Variants in SNX22 observed in about 807,000 individuals in gnomAD.
The protein encoded by SNX22 is sorting nexin-22.
SNX22 carries 23 observed loss-of-function variants against 24.7 expected under a neutral mutation model. The ratio of observed to expected loss-of-function variants is 0.93; its 90% CI spans 0.67 to 1.32. The LOEUF is 1.32. SNX22 is among the 40% of genes most tolerant of loss of function. The probability of loss-of-function intolerance (pLI) is 0.00; values close to 1 mark genes in which losing one functional copy is unlikely to be tolerated. For synonymous variants in SNX22, 99 were observed against 104.0 expected (o/e 0.95, Z 0.29); for missense variants, 261 against 249.9 (o/e 1.04, Z -0.30).
Position 64,154,600 on chromosome 15 carries a change from C to T in SNX22, c.*92C>T, listed in dbSNP as rs984806456. On this transcript the variant is annotated 3_prime_UTR_variant, in exon 7 of 7. Transcript: ENST00000325881. The stretch of plus-strand genomic sequence containing the variant: ...AGGCTGGGTCCTCCTTTGGCCTGGA[C>T]CCAGGACTTAATTACCCAGTGCCCA... The T allele has an allele frequency of 5.5e-5, 83 of 1,507,222 alleles. No homozygotes were observed. Among genetic ancestry groups the T allele is most frequent in the Non-Finnish European group, 6.5e-5 (73 of 1,114,572 alleles). 93.4% of individuals were successfully genotyped at this position (1,507,222 alleles called of 1,614,324 possible). A position where few individuals can be genotyped will look rare whatever the true frequency, so the allele number is the denominator to read the frequency against.
Position 64,156,828 on chromosome 15 carries a change from T to C in SNX22, c.*2320T>C. 6.2e-7 allele frequency: 1 copy of C among 1,614,200 alleles called. No individual in the cohort carries two copies. Among genetic ancestry groups the C allele is most frequent in the African/African-American group, 1.3e-5 (1 of 75,054 alleles). On this transcript the variant is annotated 3_prime_UTR_variant, in exon 7 of 7. Coordinates refer to ENST00000325881, the MANE Select transcript of SNX22 (RefSeq NM_024798.3). This position sits in a 1 kb window ranked among gnomAD's most constrained non-coding sequence, Gnocchi z 6.4. ...GGAGCCGTTGGTGTCTTTGCCTGCGTTGGCCATGCTCACCCAGCCAGGCCC... is the reference window on the plus strand; with the variant it reads ...GGAGCCGTTGGTGTCTTTGCCTGCGCTGGCCATGCTCACCCAGCCAGGCCC...
Position 64,156,631 on chromosome 15 carries a change from G to A in SNX22, c.*2123G>A. The A allele has an allele frequency of 6.7e-7, 1 of 1,491,008 alleles. No individual in the cohort carries two copies. Among genetic ancestry groups the A allele is most frequent in the Non-Finnish European group, 9.4e-7 (1 of 1,068,588 alleles). The allele number at this position is 1,491,008 out of a possible 1,614,324, so 92.4% of individuals were successfully genotyped here. A position where few individuals can be genotyped will look rare whatever the true frequency, so the allele number is the denominator to read the frequency against. ...TGCATCTGTGGGTTGGGTCCTTTTG[G>A]GAAAGGGATGGACACATGGAGCTCC... On this transcript the variant is annotated 3_prime_UTR_variant, in exon 7 of 7. Transcript: ENST00000325881. This position sits in a 1 kb window ranked among gnomAD's most constrained non-coding sequence, Gnocchi z 6.4.
In SNX22 at chr15:64,154,446, A is replaced by C; in HGVS notation, c.520A>C (p.Ser174Arg). ...CCAGGGCCTCTACAGCTTCAGCATC[A>C]GCCCAGATAAAGCCCAGCCAAAGGC... ...VLQGLYSFSI[S>R]PDKAQPKAAC... The change falls in exon 7 of 7, where the codon AGC becomes CGC. Residue 174 changes from serine (S) to arginine (R), a missense_variant. Ser to Arg is a moderately radical substitution (Grantham distance 110). Transcript: ENST00000325881. The C allele has an allele frequency of 6.2e-7, 1 of 1,614,142 alleles. No individual in the cohort carries two copies. Among genetic ancestry groups the C allele is most frequent in the Non-Finnish European group, 8.5e-7 (1 of 1,180,030 alleles).
In SNX22 at chr15:64,155,301, TGTG is replaced by T. The variant is rs1339369108; in HGVS notation, c.*797_*799del. Reference sequence around the variant, plus strand: ...TCTCTTGAAGCCAGGAGGCGGAAGTTGTGGTGAGCCGAGATCGCGCCACTGCAC... The same window carrying T: ...TCTCTTGAAGCCAGGAGGCGGAAGTTGTGAGCCGAGATCGCGCCACTGCAC... On this transcript the variant is annotated 3_prime_UTR_variant, in exon 7 of 7. Coordinates refer to ENST00000325881, the MANE Select transcript of SNX22 (RefSeq NM_024798.3). The T allele has an allele frequency of 6.6e-6, 1 of 151,596 alleles. No individual in the cohort carries two copies. Among genetic ancestry groups the T allele is most frequent in the African/African-American group, 2.4e-5 (1 of 41,134 alleles). 9.4% of individuals were successfully genotyped at this position (151,596 alleles called of 1,614,324 possible).
Position 64,155,916 on chromosome 15 carries a change from G to C in SNX22, c.*1408G>C, listed in dbSNP as rs1309296082. 2 of 1,544,166 alleles carry C rather than the reference G, an allele frequency of 1.3e-6. No individual in the cohort carries two copies. The highest frequency in any genetic ancestry group is 1.4e-5 in the African/African-American group (1 of 73,464). ...TGGGCCTGTGGAATGTGAGGGGAGT[G>C]GGTCCGCTCCACCAGATGCCAGCAC... On this transcript the variant is annotated 3_prime_UTR_variant, in exon 7 of 7. Coordinates refer to ENST00000325881, the MANE Select transcript of SNX22 (RefSeq NM_024798.3).
In SNX22 at chr15:64,155,928, C is replaced by T; in HGVS notation, c.*1420C>T. The T allele has an allele frequency of 1.3e-6, 2 of 1,594,430 alleles. No homozygotes were observed. Among genetic ancestry groups the T allele is most frequent in the Middle Eastern group, 3.6e-4 (2 of 5,496 alleles). ...ATGTGAGGGGAGTGGGTCCGCTCCA[C>T]CAGATGCCAGCACCGGGGCCAGTGC... is the stretch of plus-strand genomic sequence containing the variant. On this transcript the variant is annotated 3_prime_UTR_variant, in exon 7 of 7. Coordinates refer to ENST00000325881, the MANE Select transcript of SNX22 (RefSeq NM_024798.3).
At position 64,155,983 on chromosome 15, in the gene SNX22, C is replaced by T. The variant is rs2081526877; in HGVS notation, c.*1475C>T. 1.9e-6 allele frequency: 3 copies of T among 1,613,734 alleles called. No individual in the cohort carries two copies. In the Admixed American group the frequency reaches 5.0e-5, roughly 27 times the overall value. On this transcript the variant is annotated 3_prime_UTR_variant, in exon 7 of 7. Coordinates refer to ENST00000325881, the MANE Select transcript of SNX22 (RefSeq NM_024798.3). Reference sequence around the variant, plus strand: ...CAGAGCCCTGTGGCGGACTACAGGGCCTGCACAGACGGTCACTCAAAGAAA... The same window carrying T: ...CAGAGCCCTGTGGCGGACTACAGGGTCTGCACAGACGGTCACTCAAAGAAA...
At position 64,155,102 on chromosome 15, in the gene SNX22, T is replaced by C. The variant is rs2140178991; in HGVS notation, c.*594T>C. On this transcript the variant is annotated 3_prime_UTR_variant, in exon 7 of 7. Transcript: ENST00000325881. ...CCTCAGCCTCTCGAGTAGCTGGGAT[T>C]ACAGGCATCCGCCACCATGCCCGGC... The C allele has an allele frequency of 2.0e-5, 3 of 151,022 alleles. No individual in the cohort carries two copies. In the Middle Eastern group the frequency reaches 0.01, roughly 514 times the overall value. 9.4% of individuals were successfully genotyped at this position (151,022 alleles called of 1,614,324 possible).
chr15:64,156,928 C>T lies in SNX22; in HGVS notation c.*2420C>T, dbSNP rs1053236908. The T allele has an allele frequency of 6.2e-7, 1 of 1,613,636 alleles. No individual in the cohort carries two copies. The highest frequency in any genetic ancestry group is 8.5e-7 in the Non-Finnish European group (1 of 1,179,716). On this transcript the variant is annotated 3_prime_UTR_variant, in exon 7 of 7. Transcript: ENST00000325881. This position sits in a 1 kb window ranked among gnomAD's most constrained non-coding sequence, Gnocchi z 6.4. ...CTCTTTCCTGGGAAAAAAGACAGAG[C>T]AGGTCAGGGGCGCTGGATTGCGCCA...
chr15:64,151,757 A>C lies in SNX22; in HGVS notation c.-19A>C, dbSNP rs1406256944. 2.0e-6 allele frequency: 3 copies of C among 1,520,588 alleles called. No homozygotes were observed. Among genetic ancestry groups the C allele is most frequent in the Non-Finnish European group, 2.6e-6 (3 of 1,135,642 alleles). 94.2% of individuals were successfully genotyped at this position (1,520,588 alleles called of 1,614,324 possible). Reference sequence around the variant, plus strand: ...GGGCTCCGAGCCGAGCGCGCGGAGCAGCTGGGGCCGGGGCGCGGATGCTGG... The same window carrying C: ...GGGCTCCGAGCCGAGCGCGCGGAGCCGCTGGGGCCGGGGCGCGGATGCTGG... On this transcript the variant is annotated 5_prime_UTR_variant, in exon 1 of 7. Transcript: ENST00000325881.
Position 64,152,233 on chromosome 15 carries a change from G to T in SNX22, c.76-10G>T. Reference sequence around the variant, plus strand: ...TCACGCGCAGACCCGCTGCCCGCCCGCGCCGCCAGGTGTTCCGAGTGGAGG... The same window carrying T: ...TCACGCGCAGACCCGCTGCCCGCCCTCGCCGCCAGGTGTTCCGAGTGGAGG... On this transcript the variant is annotated splice_polypyrimidine_tract_variant and intron_variant, in intron 1 of 6. Transcript: ENST00000325881. 1 of 1,394,032 alleles carries T rather than the reference G, an allele frequency of 7.2e-7. No homozygotes were observed. The highest frequency in any genetic ancestry group is 9.2e-7 in the Non-Finnish European group (1 of 1,084,776). The allele number at this position is 1,394,032 out of a possible 1,614,324, so 86.4% of individuals were successfully genotyped here.
chr15:64,156,590 G>T lies in SNX22; in HGVS notation c.*2082G>T. 2 of 1,085,256 alleles carry T rather than the reference G, an allele frequency of 1.8e-6. No individual in the cohort carries two copies. Among genetic ancestry groups the T allele is most frequent in the Non-Finnish European group, 1.4e-6 (1 of 701,950 alleles). 67.2% of individuals were successfully genotyped at this position (1,085,256 alleles called of 1,614,324 possible). ...GCATGGAGGTACAGGGTTTATTCTG[G>T]ACAGGAGCACTGGGCTGCATCTGTG... On this transcript the variant is annotated 3_prime_UTR_variant, in exon 7 of 7. Coordinates refer to ENST00000325881, the MANE Select transcript of SNX22 (RefSeq NM_024798.3). The surrounding 1 kb of genome is among the most constrained non-coding windows in gnomAD (Gnocchi z 6.4).
intron 6 of SNX22, 163 bp downstream of exon 6, chr15:64,154,165 A>C (rs2081509295): frequency 6.3e-7 from 1 of 1,578,328 alleles, no homozygotes; most frequent in Non-Finnish European, 8.6e-7. Flanking sequence ...CAAGGAAAAC[A>C]AGTTTGGCTT....
rs1766951040 is a variant in SNX22 at position 64,153,669 on chromosome 15, T to C, written c.377T>C (p.Leu126Pro). Residue 126 changes from leucine (L) to proline (P), a missense_variant, in exon 5 of 7, where the codon CTG becomes CCG. Coordinates refer to ENST00000325881, the MANE Select transcript of SNX22 (RefSeq NM_024798.3). The part of the protein sequence containing the change: ...ASNWGTLREF[L>P]PGDSSSQQHQ... ...CTCTTCAGCACCCTGAGGGAGTTCC[T>C]GCCTGGCGACAGCAGGCAAGTCAAA... 8.1e-6 allele frequency: 13 copies of C among 1,614,090 alleles called. No individual in the cohort carries two copies. The highest frequency in any genetic ancestry group is 1.1e-5 in the Non-Finnish European group (13 of 1,179,998).
Position 64,151,826 on chromosome 15 carries a change from G to A in SNX22, c.51G>A (p.Arg17=). Residue 17 remains arginine, a synonymous_variant, in exon 1 of 7, where the codon AGG becomes AGA. Transcript: ENST00000325881. ...TGGGGCCCGAGGCCGAGGGGCCCAG[G>A]CAGAGCCCGGAGAAAAGCCACATGG... The part of the protein sequence containing the change: ...PSVGPEAEGP[R]QSPEKSHMVF... The A allele has an allele frequency of 6.5e-7, 1 of 1,538,368 alleles. No homozygotes were observed. Among genetic ancestry groups the A allele is most frequent in the Non-Finnish European group, 8.7e-7 (1 of 1,144,326 alleles).
At position 64,156,991 on chromosome 15, in the gene SNX22, T is replaced by A; in HGVS notation, c.*2483T>A. 2 of 1,412,386 alleles carry A rather than the reference T, an allele frequency of 1.4e-6. No individual in the cohort carries two copies. The highest frequency in any genetic ancestry group is 2.0e-6 in the Non-Finnish European group (2 of 1,014,260). 87.5% of individuals were successfully genotyped at this position (1,412,386 alleles called of 1,614,324 possible). A position where few individuals can be genotyped will look rare whatever the true frequency, so the allele number is the denominator to read the frequency against. On this transcript the variant is annotated 3_prime_UTR_variant, in exon 7 of 7. Transcript: ENST00000325881. This position sits in a 1 kb window ranked among gnomAD's most constrained non-coding sequence, Gnocchi z 6.4. ...ATTCGGGGCCAGGACTGAGGGGGCT[T>A]AACCTGTCCTCTGTGCCAGGCTAGG...
Position 64,155,617 on chromosome 15 carries a change from G to A in SNX22, c.*1109G>A. ...GGTGGTGGCAAGGGGAGCAAATGTG[G>A]AGGCCCAGTAGCTGGCAAAGTTTAG... On this transcript the variant is annotated 3_prime_UTR_variant, in exon 7 of 7. Coordinates refer to ENST00000325881, the MANE Select transcript of SNX22 (RefSeq NM_024798.3). 7.8e-6 allele frequency: 2 copies of A among 258,020 alleles called. No individual in the cohort carries two copies. The highest frequency in any genetic ancestry group is 1.5e-5 in the Non-Finnish European group (2 of 131,318). 16.0% of individuals were successfully genotyped at this position (258,020 alleles called of 1,614,324 possible). A position where few individuals can be genotyped will look rare whatever the true frequency, so the allele number is the denominator to read the frequency against.
chr15:64,155,558 A>G lies in SNX22; in HGVS notation c.*1050A>G, dbSNP rs1339450732. Reference sequence around the variant, plus strand: ...AATCAATTTAGAGGTAGGCTATGAAAAAGTACAGATACATCCCTTAACATA... The same window carrying G: ...AATCAATTTAGAGGTAGGCTATGAAGAAGTACAGATACATCCCTTAACATA... On this transcript the variant is annotated 3_prime_UTR_variant, in exon 7 of 7. Coordinates refer to ENST00000325881, the MANE Select transcript of SNX22 (RefSeq NM_024798.3). 1 of 169,030 alleles carries G rather than the reference A, an allele frequency of 5.9e-6. No homozygotes were observed. The highest frequency in any genetic ancestry group is 2.4e-5 in the African/African-American group (1 of 41,394). 10.5% of individuals were successfully genotyped at this position (169,030 alleles called of 1,614,324 possible).
At position 64,156,191 on chromosome 15, in the gene SNX22, T is replaced by A. The variant is rs754493288; in HGVS notation, c.*1683T>A. On this transcript the variant is annotated 3_prime_UTR_variant, in exon 7 of 7. Transcript: ENST00000325881. The surrounding 1 kb of genome is among the most constrained non-coding windows in gnomAD (Gnocchi z 6.4). ...CAGGAGGGCATGGTGGATCAGGAGGTCCACCGCTCAGGAGAAAGGCCCCAG... is the reference window on the plus strand; with the variant it reads ...CAGGAGGGCATGGTGGATCAGGAGGACCACCGCTCAGGAGAAAGGCCCCAG... The A allele has an allele frequency of 1.2e-6, 2 of 1,611,872 alleles. No homozygotes were observed. Among genetic ancestry groups the A allele is most frequent in the Non-Finnish European group, 1.7e-6 (2 of 1,179,092 alleles).
Sources: gnomAD v4.1 joint callset for allele counts on GRCh38, gnomAD v4.1.1 for gene constraint, Gnocchi (gnomAD v3.1) non-coding constraint, MANE v1.5 for transcripts, NCBI Gene and HGNC (gene_info 2026-07-23, HGNC 2026-07-21) for gene names.